B9D1: variants seen among roughly 807,000 people sequenced by gnomAD.
B9D1 encodes the protein B9 domain containing 1.
B9D1 carries 20 observed loss-of-function variants against 26.1 expected under a neutral mutation model. The ratio of observed to expected loss-of-function variants is 0.77; its 90% CI spans 0.54 to 1.12. B9D1 has a LOEUF of 1.12. Ranked by LOEUF, B9D1 falls within the 50% of genes most tolerant of loss-of-function variation. The probability of loss-of-function intolerance (pLI) is 0.00; values close to 1 mark genes in which losing one functional copy is unlikely to be tolerated. For missense variants in B9D1, 260 were observed against 273.7 expected (o/e 0.95, Z 0.35); for synonymous variants, 105 against 103.1 (o/e 1.02, Z -0.11).
At chr17:19,346,067 G>T (rs1349004763) in intron 5 of B9D1, among the ~76,000 whole-genome samples, 1 of 152,232 alleles carries the variant, frequency 6.6e-6, no homozygotes, top group Non-Finnish European at 1.5e-5. Context: ...GTGGAACAGG[G>T]TGAATAACCC....
Position 19,347,584 on chromosome 17 carries a change from C to T in B9D1, c.341+200G>A, listed in dbSNP as rs996145161. On this transcript the variant is annotated intron_variant, in intron 4 of 6. Coordinates refer to ENST00000261499, the MANE Select transcript of B9D1 (RefSeq NM_015681.6). The surrounding 1 kb of genome is among the most constrained non-coding windows in gnomAD (Gnocchi z 4.3). ...TCTGGGTCCCACTACCTCCCCAACC[C>T]ACCTGGTGTGTGGCTGGCACCACCC... 2.6e-5 allele frequency among the ~76,000 whole-genome samples: 4 copies of T among 152,182 alleles called. No homozygotes were observed. Among genetic ancestry groups the T allele is most frequent in the African/African-American group, 7.2e-5 (3 of 41,446 alleles).
downstream of B9D1, chr17:19,341,035 A>C: frequency 2.2e-6 from 2 of 906,714 alleles, no homozygotes; most frequent in Non-Finnish European, 2.8e-6. Context: ...TAATGGTAAA[A>C]TCTAGGTGGT....
intron 5 of B9D1, among the ~76,000 whole-genome samples, chr17:19,344,094 C>T (rs995632640): frequency 7.9e-5 from 12 of 152,254 alleles, no homozygotes; most frequent in East Asian, 1.9e-4. Context: ...TGCAGCCACG[C>T]TGCCTCCGCT....
chr17:19,362,235 C>A, intron 1 of B9D1, among the ~76,000 whole-genome samples: 1 of 152,380 alleles, frequency 6.6e-6, no homozygotes, highest in East Asian at 1.9e-4. Context: ...AGCAAGTGGG[C>A]ATGACCCGTG....
At chr17:19,362,476 G>T (rs746112614) in intron 1 of B9D1, 31 bp downstream of exon 1, 21 of 1,511,682 alleles carry the variant, frequency 1.4e-5, no homozygotes, top group Non-Finnish European at 1.9e-5. Context: ...ACGCTGGGGG[G>T]CGGGCCCCGG....
At chr17:19,340,036 C>A (rs1259749116), downstream of B9D1, among the ~76,000 whole-genome samples, 4 of 18,638 alleles carry the variant, frequency 2.1e-4, no homozygotes, top group East Asian at 6.7e-4. Flanking sequence ...ATGCCCAACC[C>A]CCCCCCCCCC....
At chr17:19,360,415 C>A in intron 1 of B9D1, 27 bp from the exon 2 acceptor site, 3 of 1,606,254 alleles carry the variant, frequency 1.9e-6, no homozygotes, top group Non-Finnish European at 2.6e-6. Flanking sequence ...CAGATTCTGT[C>A]GACTGGTATT....
intron 5 of B9D1, among the ~76,000 whole-genome samples, chr17:19,345,937 T>G (rs2152258008): frequency 6.6e-6 from 1 of 152,346 alleles, no homozygotes; most frequent in South Asian, 2.1e-4. Flanking sequence ...TTTCTCCAGT[T>G]TTTGTAATCC....
chr17:19,341,670 AAC>A (rs1907977703), downstream of B9D1, among the ~76,000 whole-genome samples: 1 of 152,162 alleles, frequency 6.6e-6, no homozygotes, highest in South Asian at 2.1e-4. Context: ...TGTCTAGGGA[AAC>A]ACAGACCTGG....
At chr17:19,344,592 C>T (rs1178125322) in intron 5 of B9D1, 3 of 215,842 alleles carry the variant, frequency 1.4e-5, no homozygotes, top group South Asian at 4.4e-5. Context: ...TTCGCCCCGC[C>T]GGGACTCGCG....
downstream of B9D1, chr17:19,342,998 G>A (rs917639840): frequency 1.0e-5 from 10 of 1,000,170 alleles, no homozygotes; most frequent in Non-Finnish European, 1.3e-5. Flanking sequence ...ACCTGGTTAT[G>A]TCAAAGCTCC....
chr17:19,340,074 G>T (rs1037553929), downstream of B9D1, among the ~76,000 whole-genome samples: 4 of 130,216 alleles, frequency 3.1e-5, no homozygotes, highest in Non-Finnish European at 6.2e-5. Context: ...CGCGCCTTCA[G>T]CCTCTTAAAT....
downstream of B9D1, chr17:19,335,825 TA>T (rs775607825): frequency 1.1e-5 from 2 of 186,572 alleles, no homozygotes; most frequent in Non-Finnish European, 2.2e-5. Flanking sequence ...CCCACCACTG[TA>T]AAAGTATTAC....
chr17:19,376,416 TAAG>T (rs1275937759), intron 1 of B9D1, among the ~76,000 whole-genome samples: 2 of 151,996 alleles, frequency 1.3e-5, no homozygotes, highest in African/African-American at 4.8e-5. Flanking sequence ...TTAAGTCTGA[TAAG>T]AAATATTTGT....
chr17:19,356,840 T>C (rs1275944945), intron 3 of B9D1, among the ~76,000 whole-genome samples: 1 of 152,222 alleles, frequency 6.6e-6, no homozygotes, highest in Non-Finnish European at 1.5e-5. Flanking sequence ...GTATTACATT[T>C]ACCTCTCCTA....
Position 19,369,156 on chromosome 17 carries a change from T to C in B9D1, c.-298+8703A>G, listed in dbSNP as rs142040784. The stretch of plus-strand genomic sequence containing the variant: ...GATAGGGAAGCGTATAGGGTTATGG[T>C]AGACAAGCAATTCTCCTCTCAGGAG... On this transcript the variant is annotated intron_variant, in intron 1 of 5. Coordinates refer to the B9D1 transcript ENST00000477478. Among the ~76,000 whole-genome samples, 564 of 152,248 alleles carry C rather than the reference T, an allele frequency of 3.7e-3. 3 individuals are homozygous for C. The highest frequency in any genetic ancestry group is 0.013 in the African/African-American group (527 of 41,530).
Position 19,357,925 on chromosome 17 carries a change from G to T in B9D1, c.159C>A (p.Ile53=). ...GCCGCACATCTTGGCTCTTGGATGT[G>T]ATCTGTGAGATCCCCTCCTCCAGAC... The part of the protein sequence containing the change: ...TAGLEEGISQ[I]TSKSQDVRQA... The change falls in exon 3 of 7, where the codon ATC becomes ATA. Residue 53 remains isoleucine (I), a synonymous_variant. Coordinates refer to ENST00000261499, the MANE Select transcript of B9D1 (RefSeq NM_015681.6). 6.2e-7 allele frequency: 1 copy of T among 1,614,080 alleles called. No individual in the cohort carries two copies. Among genetic ancestry groups the T allele is most frequent in the South Asian group, 1.1e-5 (1 of 91,068 alleles).
intron 5 of B9D1, chr17:19,346,837 C>T (rs1432158977): frequency 3.4e-6 from 4 of 1,186,492 alleles, no homozygotes; most frequent in Admixed American, 3.2e-5. Flanking sequence ...TCTTCCCCGG[C>T]TCTTCCCTCC....
upstream of B9D1, chr17:19,362,778 T>C: frequency 7.0e-7 from 1 of 1,422,156 alleles, no homozygotes; most frequent in Admixed American, 2.0e-5. Flanking sequence ...GGGGCGGGGA[T>C]CCACGCCGAG....
Sources: allele counts gnomAD v4.1 joint callset (sites outside exome capture counted in the v4.1 genomes callset), GRCh38; gene constraint gnomAD v4.1.1; non-coding constraint Gnocchi (gnomAD v3.1); transcripts MANE v1.5; gene names NCBI Gene and HGNC (gene_info 2026-07-23, HGNC 2026-07-21).